Variants in C1orf141 observed in about 807,000 individuals in gnomAD.
C1orf141 encodes the protein chromosome 1 open reading frame 141.
C1orf141 carries 19 observed loss-of-function variants against 23.2 expected under a neutral mutation model. The ratio of observed to expected loss-of-function variants is 0.82; its 90% confidence interval spans 0.57 to 1.20. C1orf141 has a LOEUF of 1.20. Among genes scored for constraint, C1orf141 ranks in the 50% most tolerant of loss-of-function variants. The pLI is 0.00. For synonymous variants in C1orf141, 153 were observed against 154.6 expected (o/e 0.99, Z 0.08); for missense variants, 469 against 455.1 (o/e 1.03, Z -0.28).
intron 3 of C1orf141, among the ~76,000 whole-genome samples, chr1:67,126,945 A>G (rs574611566): frequency 6.6e-6 from 1 of 152,326 alleles, no homozygotes; most frequent in East Asian, 1.9e-4. Flanking sequence ...TCGTCAAAAC[A>G]ATCCAAAAGC....
intron 5 of C1orf141, among the ~76,000 whole-genome samples, chr1:67,110,168 A>T (rs1415581098): frequency 6.6e-6 from 1 of 152,170 alleles, no homozygotes; most frequent in East Asian, 1.9e-4. Context: ...AAAGTAAATA[A>T]ATATATACTT....
chr1:67,140,297 T>G (rs1394966979), intron 1 of C1orf141, among the ~76,000 whole-genome samples: 1 of 152,142 alleles, frequency 6.6e-6, no homozygotes, highest in Non-Finnish European at 1.5e-5. Context: ...TCAAAAAAAG[T>G]CATTAAAAAT....
chr1:67,096,004 T>A (rs1391251012), intron 6 of C1orf141: 2 of 286,430 alleles, frequency 7.0e-6, no homozygotes, highest in Non-Finnish European at 1.3e-5. Context: ...TGTAAGTAAA[T>A]GTGTGTATTT....
At chr1:67,096,224 A>C in intron 6 of C1orf141, 28 bp downstream of exon 6, 2 of 1,056,416 alleles carry the variant, frequency 1.9e-6, no homozygotes, top group South Asian at 2.8e-5. Flanking sequence ...AAACAGAACA[A>C]AGTATTAAGC....
At chr1:67,136,957 T>C (rs762647937), upstream of C1orf141, among the ~76,000 whole-genome samples, 32 of 152,236 alleles carry the variant, frequency 2.1e-4, no homozygotes, top group Non-Finnish European at 4.4e-4. Context: ...CATGAACCTA[T>C]TATAGATAAA....
At chr1:67,096,115 T>C (rs561216973) in intron 6 of C1orf141, 137 bp downstream of exon 6, 7 of 578,678 alleles carry the variant, frequency 1.2e-5, no homozygotes, top group Non-Finnish European at 2.2e-5. Context: ...GGCTAAGCAG[T>C]CTTGGACCAT....
At chr1:67,097,488 G>A (rs1477471615) in intron 5 of C1orf141, among the ~76,000 whole-genome samples, 6 of 152,214 alleles carry the variant, frequency 3.9e-5, no homozygotes, top group Non-Finnish European at 2.9e-5. Context: ...AGAGGCCAGT[G>A]TTGCTTGGGT....
chr1:67,138,608 T>C (rs1408746386), upstream of C1orf141, among the ~76,000 whole-genome samples: 1 of 152,192 alleles, frequency 6.6e-6, no homozygotes, highest in Non-Finnish European at 1.5e-5. Flanking sequence ...CCATGCAGCA[T>C]AGAATATAGA....
chr1:67,105,809 C>T (rs538758909), intron 5 of C1orf141, among the ~76,000 whole-genome samples: 2 of 152,314 alleles, frequency 1.3e-5, no homozygotes, highest in South Asian at 4.2e-4. Flanking sequence ...TGAAGGCAGA[C>T]TGAAGTTGGC....
intron 2 of C1orf141, among the ~76,000 whole-genome samples, chr1:67,129,752 T>C (rs1646484286): frequency 6.6e-6 from 1 of 152,178 alleles, no homozygotes; most frequent in Admixed American, 6.5e-5. Flanking sequence ...TTGTATCTAA[T>C]AGCTACTGAA....
chr1:67,100,844 A>C (rs1429943612), intron 5 of C1orf141, among the ~76,000 whole-genome samples: 1 of 152,192 alleles, frequency 6.6e-6, no homozygotes, highest in African/African-American at 2.4e-5. Flanking sequence ...TTATGAGTTC[A>C]GGCACTTAGC....
chr1:67,102,492 AT>A (rs980601086), intron 5 of C1orf141, among the ~76,000 whole-genome samples: 1 of 150,926 alleles, frequency 6.6e-6, no homozygotes, highest in Admixed American at 6.6e-5. Context: ...TTGGGAAAAC[AT>A]TTTTTTTTCA....
chr1:67,125,246 A>C, intron 4 of C1orf141, among the ~76,000 whole-genome samples: 1 of 152,218 alleles, frequency 6.6e-6, no homozygotes, highest in East Asian at 1.9e-4. Context: ...TACCATCTAC[A>C]CTAGTAAAAT....
upstream of C1orf141, among the ~76,000 whole-genome samples, chr1:67,136,042 A>T (rs1646582852): frequency 6.6e-6 from 1 of 152,070 alleles, no homozygotes; most frequent in Non-Finnish European, 1.5e-5. Flanking sequence ...CAATCATTAA[A>T]AGTAGAAGGT....
chr1:67,137,222 C>A (rs900678546), upstream of C1orf141, among the ~76,000 whole-genome samples: 3 of 152,122 alleles, frequency 2.0e-5, no homozygotes, highest in Non-Finnish European at 2.9e-5. Context: ...GACTCACAGA[C>A]CTTACTGAAA....
chr1:67,122,466 T>C (rs1646318529), intron 4 of C1orf141: 1 of 152,224 alleles, frequency 6.6e-6, no homozygotes, highest in Non-Finnish European at 1.5e-5. Flanking sequence ...GGATCAAATC[T>C]ACCTTTGCAG....
chr1:67,114,968 G>C (rs952663138), intron 5 of C1orf141, among the ~76,000 whole-genome samples: 2 of 152,210 alleles, frequency 1.3e-5, no homozygotes, highest in Admixed American at 6.5e-5. Flanking sequence ...AAGCCAGCGT[G>C]CCCACCCAGC....
At chr1:67,104,360 A>G (rs1645873950) in intron 5 of C1orf141, among the ~76,000 whole-genome samples, 2 of 152,196 alleles carry the variant, frequency 1.3e-5, no homozygotes, top group African/African-American at 2.4e-5. Flanking sequence ...TATTTATAGC[A>G]GGAAGGCATT....
chr1:67,093,971 A>C (rs74078933), intron 7 of C1orf141: 6,373 of 155,076 alleles, frequency 0.041, 422 homozygotes, highest in African/African-American at 0.14. Flanking sequence ...GAAATTAAAA[A>C]GCATACCAAA....
Sources: allele counts gnomAD v4.1 joint callset (sites outside exome capture counted in the v4.1 genomes callset), GRCh38; gene constraint gnomAD v4.1.1; transcripts MANE v1.5; gene names NCBI Gene and HGNC (gene_info 2026-07-23, HGNC 2026-07-21).